The following ABCA4 variants were observed in gnomAD, a reference collection of about 807,000 sequenced individuals.
The protein encoded by ABCA4 is ATP binding cassette subfamily A member 4.
A neutral mutation model predicts 263.7 loss-of-function variants in ABCA4; 196 were observed. That is an observed-to-expected ratio of 0.74 (90% CI 0.66 to 0.84). ABCA4 has a LOEUF of 0.84. Ranked by LOEUF, ABCA4 falls within the 40% of genes least tolerant of loss-of-function variation. ABCA4 has a pLI of 0.00. For missense variants in ABCA4, 2,792 were observed against 2,855.1 expected, an observed-to-expected ratio of 0.98 and a Z score of 0.50; for synonymous variants, 1,133 against 1,094.2, an observed-to-expected ratio of 1.04 and a Z score of -0.70.
In ABCA4 at chr1:93,992,836, G is replaced by T; in HGVS notation, c.*401C>A. 1 of 309,540 alleles carries T rather than the reference G, an allele frequency of 3.2e-6. No homozygotes were observed. Among genetic ancestry groups the T allele is most frequent in the East Asian group, 7.7e-5 (1 of 13,058 alleles). 19.2% of individuals were successfully genotyped at this position (309,540 alleles called of 1,614,324 possible). On this transcript the variant is annotated 3_prime_UTR_variant, in exon 50 of 50. Transcript: ENST00000370225. Reference sequence around the variant, plus strand: ...ACCAGGGAGACTGTGAATTAGGATAGTTTGTGATGAGTGCATTTGCATTTT... The same window carrying T: ...ACCAGGGAGACTGTGAATTAGGATATTTTGTGATGAGTGCATTTGCATTTT...
In ABCA4 at chr1:93,997,975, C is replaced by T; in HGVS notation, c.6615G>A (p.Met2205Ile). The change falls in exon 48 of 50, where the codon ATG (methionine) becomes ATA (isoleucine). Residue 2205 changes from methionine (M) to isoleucine (I), a missense_variant. Met to Ile is a conservative substitution (Grantham distance 10, BLOSUM62 1). Transcript: ENST00000370225. ...AGGAGGAGGAGACCTGGAACTGGAG[C>T]ATGTTGTAGTGCCTCTCCCTCTGCA... ...GSVQRERHYNMLQFQVSSSSL... is the reference protein window; with the variant it reads ...GSVQRERHYNILQFQVSSSSL... 1.9e-6 allele frequency: 3 copies of T among 1,614,126 alleles called. No individual in the cohort carries two copies. The highest frequency in any genetic ancestry group is 2.5e-6 in the Non-Finnish European group (3 of 1,180,018).
chr1:94,102,444 C>T (rs1662308802), intron 5 of ABCA4, among the ~76,000 whole-genome samples: 1 of 151,924 alleles, frequency 6.6e-6, no homozygotes, highest in South Asian at 2.1e-4. Flanking sequence ...TGACAGACAA[C>T]TCTGCTCAAA....
intron 30 of ABCA4, among the ~76,000 whole-genome samples, chr1:94,027,147 T>G (rs145104256): frequency 1.3e-5 from 2 of 152,070 alleles, no homozygotes; most frequent in Non-Finnish European, 2.9e-5. Flanking sequence ...TTTGCTCCAA[T>G]GGAAGGCACG....
At position 94,014,689 on chromosome 1, in the gene ABCA4, A is replaced by G. The variant is rs1659674664; in HGVS notation, c.5314T>C (p.Trp1772Arg). 1.2e-6 allele frequency: 2 copies of G among 1,614,072 alleles called. No homozygotes were observed. The highest frequency in any genetic ancestry group is 1.3e-5 in the African/African-American group (1 of 74,912). Reference sequence around the variant, plus strand: ...GGGTACATCATGGGAATGACCGCCCATCTGTGTGAAATGAGACAACTCAGA... The same window carrying G: ...GGGTACATCATGGGAATGACCGCCCGTCTGTGTGAAATGAGACAACTCAGA... ...ALVALLLLYG[W>R]AVIPMMYPAS... Residue 1772 changes from tryptophan to arginine, a missense_variant and splice_region_variant, in exon 38 of 50, where the codon TGG (tryptophan) becomes CGG (arginine). Trp to Arg is a moderately radical substitution (Grantham distance 101). Coordinates refer to ENST00000370225, the MANE Select transcript of ABCA4 (RefSeq NM_000350.3).
intron 1 of ABCA4, among the ~76,000 whole-genome samples, chr1:94,119,281 A>G (rs1032504437): frequency 1.3e-5 from 2 of 152,176 alleles, no homozygotes; most frequent in African/African-American, 4.8e-5. Flanking sequence ...GACAACAGAT[A>G]ACTTCAGCAC....
At chr1:94,058,660 C>T (rs1195587876) in intron 14 of ABCA4, among the ~76,000 whole-genome samples, 1 of 152,238 alleles carries the variant, frequency 6.6e-6, no homozygotes, top group African/African-American at 2.4e-5. Context: ...CCACGCCCAG[C>T]CTGAAATCAA....
intron 19 of ABCA4, 121 bp from the exon 20 acceptor site, chr1:94,044,865 A>G (rs1007394813): frequency 4.0e-6 from 6 of 1,507,950 alleles, no homozygotes; most frequent in Non-Finnish European, 5.5e-6. Context: ...CTGTCAGTCA[A>G]ACTCAAACCC....
intron 30 of ABCA4, among the ~76,000 whole-genome samples, chr1:94,027,005 TGAGA>T (rs1210020990): frequency 6.9e-6 from 1 of 145,920 alleles, no homozygotes; most frequent in African/African-American, 2.6e-5. Flanking sequence ...TGAGAAAGAG[TGAGA>T]GAGTGAGAGA....
chr1:94,062,755 TGAG>T lies in ABCA4; in HGVS notation c.1761-5_1761-3del. On this transcript the variant is annotated splice_region_variant and splice_polypyrimidine_tract_variant and intron_variant, in intron 12 of 49. Transcript: ENST00000370225. The stretch of plus-strand genomic sequence containing the variant: ...GCTCTGGGACCAGAATCCCAATACC[TGAG>T]AAGACACAGAGGGACAAAGGATGGG... The T allele has an allele frequency of 6.2e-7, 1 of 1,613,480 alleles. No individual in the cohort carries two copies. Among genetic ancestry groups the T allele is most frequent in the Non-Finnish European group, 8.5e-7 (1 of 1,179,816 alleles).
intron 6 of ABCA4, among the ~76,000 whole-genome samples, chr1:94,086,073 T>C (rs1332029969): frequency 6.6e-6 from 1 of 152,198 alleles, no homozygotes; most frequent in Non-Finnish European, 1.5e-5. Flanking sequence ...CTATGCTCCA[T>C]GTAGACAGAA....
intron 18 of ABCA4, among the ~76,000 whole-genome samples, chr1:94,048,396 G>C (rs3789400): frequency 6.6e-6 from 1 of 152,230 alleles, no homozygotes; most frequent in Non-Finnish European, 1.5e-5. Flanking sequence ...GTCAGGAAAG[G>C]CTTCTGATGG....
At chr1:94,005,170 T>G (rs1016792571) in intron 44 of ABCA4, among the ~76,000 whole-genome samples, 3 of 152,224 alleles carry the variant, frequency 2.0e-5, no homozygotes, top group Non-Finnish European at 2.9e-5. Flanking sequence ...CAGGATAAAC[T>G]CTTAGACGTG....
rs751233838 is a variant in ABCA4 at position 94,031,060 on chromosome 1, A to C, written c.4189T>G (p.Phe1397Val). The C allele has an allele frequency of 6.2e-7, 1 of 1,614,154 alleles. No homozygotes were observed. The highest frequency in any genetic ancestry group is 2.2e-5 in the East Asian group (1 of 44,874). The change falls in exon 28 of 50, where the codon TTT becomes GTT. Residue 1397 changes from phenylalanine to valine, a missense_variant. Phe to Val is a conservative substitution (Grantham distance 50). Transcript: ENST00000370225. ...ALMLSIVIPP[F>V]GEYPALTLHP... ...AGGGTCAAAGCGGGGTATTCGCCAA[A>C]AGGAGGGATAACAATAGAAAGCATC...
chr1:94,051,670 G>A lies in ABCA4; in HGVS notation c.2616C>T (p.Tyr872=), dbSNP rs373086027. Reference sequence around the variant, plus strand: ...GCCAATACGACTCTTGTAGAAGAAAGTACCAAGGAAGTGGGGTTCCATAGT... The same window carrying A: ...GCCAATACGACTCTTGTAGAAGAAAATACCAAGGAAGTGGGGTTCCATAGT... ...PGDYGTPLPW[Y]FLLQESYWLG... is the part of the protein sequence containing the mutation. The change falls in exon 17 of 50, where the codon TAC becomes TAT. Residue 872 remains tyrosine (Y), a synonymous_variant. Transcript: ENST00000370225. 6 of 1,613,932 alleles carry A rather than the reference G, an allele frequency of 3.7e-6. No individual in the cohort carries two copies. The highest frequency in any genetic ancestry group is 2.2e-5 in the East Asian group (1 of 44,900).
At chr1:94,013,226 C>T (rs200518656) in intron 38 of ABCA4, among the ~76,000 whole-genome samples, 35 of 33,378 alleles carry the variant, frequency 1.0e-3, no homozygotes, top group East Asian at 2.5e-3. Context: ...CTTATCCCCC[C>T]GCCTTTCCAG....
Position 94,021,312 on chromosome 1 carries a change from G to T in ABCA4, c.4946C>A (p.Pro1649His). 2 of 1,614,202 alleles carry T rather than the reference G, an allele frequency of 1.2e-6. No homozygotes were observed. The highest frequency in any genetic ancestry group is 2.2e-5 in the South Asian group (2 of 91,082). The change falls in exon 35 of 50, where the codon CCC (proline) becomes CAC (histidine). Residue 1649 changes from proline (P) to histidine (H), a missense_variant. By Grantham distance (77) the Pro-to-His change is moderately conservative (BLOSUM62 -2). Coordinates refer to ENST00000370225, the MANE Select transcript of ABCA4 (RefSeq NM_000350.3). ...AATGACGGTGATTCCATACTCCTCG[G>T]GGCTCCTGTCCTTAGGCAGGCTGGC... Reference protein sequence around the residue: ...LRASLPKDRSPEEYGITVISQ... With the variant: ...LRASLPKDRSHEEYGITVISQ...
chr1:94,036,322 G>A (rs1236747099), intron 26 of ABCA4, among the ~76,000 whole-genome samples: 1 of 150,474 alleles, frequency 6.6e-6, no homozygotes, highest in East Asian at 1.9e-4. Flanking sequence ...CTACTGGGGA[G>A]TCAGATACTA....
At chr1:94,011,064 G>T in intron 39 of ABCA4, 135 bp from the exon 40 acceptor site, 1 of 1,554,428 alleles carries the variant, frequency 6.4e-7, no homozygotes, top group Non-Finnish European at 8.8e-7. Flanking sequence ...CATAAGGGCT[G>T]CCCTCCATCC....
At position 93,993,020 on chromosome 1, in the gene ABCA4, T is replaced by A. The variant is rs1658910890; in HGVS notation, c.*217A>T. ...GGAGAAGGATTTTGTATTTGTTTGG[T>A]TTCACCATCAGGTGTTCCAGGTGAG... On this transcript the variant is annotated 3_prime_UTR_variant, in exon 50 of 50. Transcript: ENST00000370225. 1 of 611,850 alleles carries A rather than the reference T, an allele frequency of 1.6e-6. No individual in the cohort carries two copies. Among genetic ancestry groups the A allele is most frequent in the South Asian group, 2.0e-5 (1 of 50,342 alleles). 37.9% of individuals were successfully genotyped at this position (611,850 alleles called of 1,614,324 possible).
Sources: gnomAD v4.1 joint callset for allele counts (sites outside exome capture counted in the v4.1 genomes callset) on GRCh38, gnomAD v4.1.1 for gene constraint, MANE v1.5 for transcripts, NCBI Gene and HGNC (gene_info 2026-07-23, HGNC 2026-07-21) for gene names.